The following RUNX1 variants were observed in gnomAD, a reference collection of about 807,000 sequenced individuals.
RUNX1 encodes the protein runt-related transcription factor 1.
RUNX1 carries 19 observed loss-of-function variants against 42.8 expected under a neutral mutation model. That is an observed-to-expected ratio of 0.44 (90% CI 0.31 to 0.65). The LOEUF (loss-of-function observed/expected upper bound fraction) is 0.65, where lower values mean the gene tolerates loss of function less well. RUNX1 is among the 30% of genes least tolerant of loss of function. The pLI is 0.07. For synonymous variants in RUNX1, 271 were observed against 289.4 expected, an observed-to-expected ratio of 0.94 and a Z score of 0.64; for missense variants, 528 against 672.0, an observed-to-expected ratio of 0.79 and a Z score of 2.37.
intron 2 of RUNX1, among the ~76,000 whole-genome samples, chr21:34,995,266 G>A (rs975876557): frequency 6.6e-6 from 1 of 152,054 alleles, no homozygotes; most frequent in Non-Finnish European, 1.5e-5. Context: ...GACCACAAAG[G>A]GTGGAACTTA....
chr21:35,000,971 T>C (rs958457726), intron 2 of RUNX1, among the ~76,000 whole-genome samples: 4 of 152,206 alleles, frequency 2.6e-5, no homozygotes, highest in Non-Finnish European at 5.9e-5. Flanking sequence ...TTTTGGTCTT[T>C]CCCTCCAAAT....
intron 2 of RUNX1, among the ~76,000 whole-genome samples, chr21:34,940,641 T>A (rs995306610): frequency 1.3e-5 from 2 of 152,246 alleles, no homozygotes; most frequent in African/African-American, 4.8e-5. Flanking sequence ...ATCAGCTACA[T>A]TGAGTTTTAT....
At chr21:34,930,409 G>T (rs1252908569) in intron 2 of RUNX1, among the ~76,000 whole-genome samples, 2 of 151,118 alleles carry the variant, frequency 1.3e-5, no homozygotes, top group Non-Finnish European at 2.9e-5. Context: ...GGTTTATCTG[G>T]GGTCCCAACT....
chr21:34,998,536 C>CT (rs2146862778), intron 2 of RUNX1, among the ~76,000 whole-genome samples: 1 of 152,000 alleles, frequency 6.6e-6, no homozygotes, highest in East Asian at 1.9e-4. Context: ...CTTCTTTTTT[C>CT]TTTTTTTCTT....
chr21:34,949,947 C>T (rs761054033), intron 2 of RUNX1, among the ~76,000 whole-genome samples: 48 of 152,328 alleles, frequency 3.2e-4, no homozygotes, highest in Non-Finnish European at 5.9e-4. Flanking sequence ...GCTTTGACAT[C>T]TTGTGCTGAG....
intron 8 of RUNX1, among the ~76,000 whole-genome samples, chr21:34,796,914 G>A (rs1325641719): frequency 3.9e-5 from 6 of 152,194 alleles, no homozygotes; most frequent in Admixed American, 6.5e-5. Context: ...AGTCCCCAGC[G>A]CAGAAGGAAG....
At chr21:34,919,251 A>T (rs1244878488) in intron 2 of RUNX1, among the ~76,000 whole-genome samples, 1 of 152,168 alleles carries the variant, frequency 6.6e-6, no homozygotes, top group Non-Finnish European at 1.5e-5. Flanking sequence ...CAAACTTAAT[A>T]AGGTGGATTT....
chr21:34,822,512 C>G (rs2056922730), intron 7 of RUNX1, among the ~76,000 whole-genome samples: 1 of 152,206 alleles, frequency 6.6e-6, no homozygotes, highest in East Asian at 1.9e-4. Context: ...GTGGGTGAGT[C>G]TCATGCTTCA....
chr21:34,988,043 G>A (rs1208265984), intron 2 of RUNX1, among the ~76,000 whole-genome samples: 1 of 152,182 alleles, frequency 6.6e-6, no homozygotes, highest in Non-Finnish European at 1.5e-5. Flanking sequence ...CAGAGGAGTT[G>A]CTGTTTGTGA....
intron 7 of RUNX1, among the ~76,000 whole-genome samples, chr21:34,825,010 A>C (rs1397853405): frequency 6.6e-6 from 1 of 152,216 alleles, no homozygotes; most frequent in Non-Finnish European, 1.5e-5. Context: ...CTACTTCATG[A>C]CTACAGTAAA....
rs902135481 is a variant in RUNX1, at chr21:34,811,458, C to T, written c.806-11996G>A. Among the ~76,000 whole-genome samples, 8 of 152,208 alleles carry T rather than the reference C, an allele frequency of 5.3e-5. 1 individual carries two copies. Among genetic ancestry groups the T allele is most frequent in the Non-Finnish European group, 1.2e-4 (8 of 68,040 alleles). ...TGCAGCAAGAGCTGGAGGACAGAAC[C>T]TCAGGGAACTGCCCTGTGGGAATGC... On this transcript the variant is annotated intron_variant, in intron 7 of 8. Transcript: ENST00000675419.
chr21:35,029,430 A>C (rs551512981), intron 2 of RUNX1, among the ~76,000 whole-genome samples: 14 of 152,274 alleles, frequency 9.2e-5, no homozygotes, highest in African/African-American at 3.4e-4. Flanking sequence ...CAGTGTTTTC[A>C]TTAACAGAGC....
At chr21:34,937,959 T>C (rs1404506334) in intron 2 of RUNX1, among the ~76,000 whole-genome samples, 1 of 152,216 alleles carries the variant, frequency 6.6e-6, no homozygotes, top group Non-Finnish European at 1.5e-5. Flanking sequence ...TTTACATATT[T>C]TCCCCAACAT....
At chr21:34,842,317 A>AC (rs1239970797) in intron 6 of RUNX1, among the ~76,000 whole-genome samples, 3 of 151,762 alleles carry the variant, frequency 2.0e-5, no homozygotes, top group Non-Finnish European at 4.4e-5. Flanking sequence ...ACATTGTGAA[A>AC]CCCCATCTCC....
In RUNX1 at chr21:34,933,006, C is replaced by T. The variant is rs190849380; in HGVS notation, c.59-40043G>A. ...TTTCTCACTTTAGTACGTACATGTACGTGTGCATAATGATCACATGCTTTT... is the reference window on the plus strand; with the variant it reads ...TTTCTCACTTTAGTACGTACATGTATGTGTGCATAATGATCACATGCTTTT... On this transcript the variant is annotated intron_variant, in intron 2 of 8. Transcript: ENST00000675419. Among the ~76,000 whole-genome samples the T allele has an allele frequency of 5.9e-5, 9 of 152,276 alleles. No homozygotes were observed. In the East Asian group the frequency reaches 7.7e-4, roughly 13 times the overall value.
intron 2 of RUNX1, among the ~76,000 whole-genome samples, chr21:34,950,724 A>G (rs951993813): frequency 6.6e-6 from 1 of 152,106 alleles, no homozygotes; most frequent in Non-Finnish European, 1.5e-5. Context: ...AAACAGCTAG[A>G]CTTTGTCTCA....
intron 2 of RUNX1, among the ~76,000 whole-genome samples, chr21:34,908,971 TA>T (rs1300372868): frequency 6.6e-6 from 1 of 152,074 alleles, no homozygotes; most frequent in Admixed American, 6.5e-5. Context: ...ATGTGTGTGC[TA>T]GGGGTAAGAT....
intron 7 of RUNX1, among the ~76,000 whole-genome samples, chr21:34,820,277 A>T (rs2056888790): frequency 6.6e-6 from 1 of 151,820 alleles, no homozygotes; most frequent in South Asian, 2.1e-4. Context: ...TTTGAGGAGG[A>T]TTTCCCTTCC....
chr21:34,825,220 G>A (rs2056969759), intron 7 of RUNX1, among the ~76,000 whole-genome samples: 1 of 152,110 alleles, frequency 6.6e-6, no homozygotes, highest in Admixed American at 6.5e-5. Flanking sequence ...TCTGGCTTTG[G>A]TCATCATGTC....
Sources: gnomAD v4.1 joint callset for allele counts (sites outside exome capture counted in the v4.1 genomes callset) on GRCh38, gnomAD v4.1.1 for gene constraint, MANE v1.5 for transcripts, NCBI Gene and HGNC (gene_info 2026-07-23, HGNC 2026-07-21) for gene names.